HMGXB3: variants seen among roughly 807,000 people sequenced by gnomAD.
The protein encoded by HMGXB3 is HMG-box containing 3, also known as HMG domain-containing protein 3.
Under a neutral mutation model 121.5 loss-of-function variants are expected in HMGXB3, and 45 were observed. That is an observed-to-expected ratio of 0.37 (90% confidence interval 0.29 to 0.47). The LOEUF (loss-of-function observed/expected upper bound fraction) is 0.47, where lower values mean the gene tolerates loss of function less well. Among genes scored for constraint, HMGXB3 ranks in the 20% least tolerant of loss-of-function variants. The pLI is 0.99. For synonymous variants in HMGXB3, 590 were observed against 624.1 expected (o/e 0.95, Z 0.81); for missense variants, 1,376 against 1,602.2 (o/e 0.86, Z 2.41).
chr5:150,036,594 T>A (rs1452330797), intron 11 of HMGXB3, 42 bp from the exon 12 acceptor site: 1 of 1,474,180 alleles, frequency 6.8e-7, no homozygotes, highest in Non-Finnish European at 9.0e-7. Flanking sequence ...AGCTGGCTCT[T>A]TCTGCTCTGA....
In HMGXB3 at chr5:150,021,954, T is replaced by C. The variant is rs1385752139; in HGVS notation, c.1042-2308T>C. On this transcript the variant is annotated intron_variant, in intron 6 of 19. Transcript: ENST00000502717. ...GCGGGCTTCCTGACCGACTTGTTCCTTGGCGAGAGAGAACAGCGGTGAGTC... is the reference window on the plus strand; with the variant it reads ...GCGGGCTTCCTGACCGACTTGTTCCCTGGCGAGAGAGAACAGCGGTGAGTC... 6 of 453,860 alleles carry C rather than the reference T, an allele frequency of 1.3e-5. No individual in the cohort carries two copies. The Admixed American group carries it at 1.4e-4, about 10-fold the overall frequency. The allele number at this position is 453,860 out of a possible 1,614,324, so 28.1% of individuals were successfully genotyped here. A position where few individuals can be genotyped will look rare whatever the true frequency, so the allele number is the denominator to read the frequency against.
intron 9 of HMGXB3, among the ~76,000 whole-genome samples, chr5:150,029,052 A>G (rs1756312923): frequency 6.6e-6 from 1 of 152,188 alleles, no homozygotes; most frequent in Non-Finnish European, 1.5e-5. Flanking sequence ...TAGAAAATTC[A>G]GGTAAAGGAG....
chr5:150,004,539 C>T (rs1347422924), intron 1 of HMGXB3, among the ~76,000 whole-genome samples: 1 of 152,080 alleles, frequency 6.6e-6, no homozygotes. Flanking sequence ...GGTACTGTAT[C>T]CCATGAATAT....
chr5:150,025,631 G>C, intron 7 of HMGXB3, among the ~76,000 whole-genome samples: 1 of 132,454 alleles, frequency 7.5e-6, no homozygotes, highest in Middle Eastern at 3.5e-3. Context: ...GCAGTGGTGC[G>C]AACACAGCTC....
intron 6 of HMGXB3, among the ~76,000 whole-genome samples, chr5:150,019,687 A>G (rs1458193264): frequency 1.3e-5 from 2 of 152,222 alleles, no homozygotes; most frequent in African/African-American, 4.8e-5. Flanking sequence ...TTGGGTGGGT[A>G]GAAAAGGAAA....
chr5:150,023,685 A>G (rs1024018206), intron 6 of HMGXB3, among the ~76,000 whole-genome samples: 2 of 152,270 alleles, frequency 1.3e-5, no homozygotes, highest in Admixed American at 1.3e-4. Context: ...ATAATAATGC[A>G]TGAGTTAATT....
At position 150,028,694 on chromosome 5, in the gene HMGXB3, G is replaced by A. The variant is rs116355903; in HGVS notation, c.1734+1577G>A. Among the ~76,000 whole-genome samples, 417 of 150,306 alleles carry A rather than the reference G, an allele frequency of 2.8e-3. 2 individuals carry two copies. The highest frequency in any genetic ancestry group is 9.7e-3 in the African/African-American group (396 of 40,828). ...GAATCCTCCCAACTCAGCCTCCTGA[G>A]TAGCTGGGTACACAGGCAGGCACCA... On this transcript the variant is annotated intron_variant, in intron 9 of 19. Transcript: ENST00000502717.
chr5:150,015,970 T>C (rs1171580482), intron 5 of HMGXB3, among the ~76,000 whole-genome samples: 1 of 152,186 alleles, frequency 6.6e-6, no homozygotes, highest in Admixed American at 6.5e-5. Context: ...TCTATACATA[T>C]CTAATTAGGT....
intron 4 of HMGXB3, among the ~76,000 whole-genome samples, 194 bp from the exon 5 acceptor site, chr5:150,012,061 A>G (rs1016805026): frequency 1.3e-5 from 2 of 152,244 alleles, no homozygotes; most frequent in Non-Finnish European, 2.9e-5. Flanking sequence ...AACATAGCAC[A>G]CTTCCTGTGG....
chr5:150,042,866 AC>A (rs1286703159), intron 15 of HMGXB3, among the ~76,000 whole-genome samples: 2 of 152,232 alleles, frequency 1.3e-5, no homozygotes, highest in African/African-American at 4.8e-5. Context: ...TAGGCAAGTA[AC>A]AAAAGTGGGC....
chr5:150,034,030 T>A (rs1756442027), intron 11 of HMGXB3, among the ~76,000 whole-genome samples: 1 of 152,154 alleles, frequency 6.6e-6, no homozygotes, highest in Non-Finnish European at 1.5e-5. Context: ...GTGGGCAAGG[T>A]AGATTAGATC....
Position 150,036,644 on chromosome 5 carries a change from C to G in HMGXB3, c.1992C>G (p.Ser664Arg). 1 of 1,541,736 alleles carries G rather than the reference C, an allele frequency of 6.5e-7. No individual in the cohort carries two copies. Among genetic ancestry groups the G allele is most frequent in the Non-Finnish European group, 8.8e-7 (1 of 1,141,132 alleles). ...ATCCACTCTCTTCCCAGGAGGTGAG[C>G]TCACCACTCCCAGATGTACTGAATG... is the stretch of plus-strand genomic sequence containing the variant. ...TEKTTKAIEV[S>R]SPLPDVLNAT... Residue 664 changes from serine (S) to arginine (R), a missense_variant, in exon 12 of 20, where the codon AGC (serine) becomes AGG (arginine). Physicochemically the swap from Ser to Arg is moderately radical, Grantham distance 110. Around this residue, in one of 2 missense-constraint regions of HMGXB3, gnomAD observed 1,116 missense variants for 1,369.0 expected, o/e 0.82. Transcript: ENST00000502717.
chr5:150,007,932 C>A (rs1755739073), intron 3 of HMGXB3, among the ~76,000 whole-genome samples: 1 of 152,044 alleles, frequency 6.6e-6, no homozygotes. Context: ...TGGCATACAC[C>A]TGTAGTCCCA....
chr5:150,045,593 C>T lies in HMGXB3; in HGVS notation c.2858C>T (p.Ser953Phe). The T allele has an allele frequency of 6.4e-7, 1 of 1,551,964 alleles. No individual in the cohort carries two copies. Among genetic ancestry groups the T allele is most frequent in the Non-Finnish European group, 8.7e-7 (1 of 1,147,064 alleles). ...ATCCCTATCACCAAATTTGATGCGT[C>T]TGTTATTGCCCCCTTCTTCCCACCA... Reference protein sequence around the residue: ...ASIPITKFDASVIAPFFPPLM... With the variant: ...ASIPITKFDAFVIAPFFPPLM... The change falls in exon 16 of 20, where the codon TCT becomes TTT. Residue 953 changes from serine to phenylalanine, a missense_variant. Around this residue, in one of 2 missense-constraint regions of HMGXB3, gnomAD observed 1,116 missense variants for 1,369.0 expected, o/e 0.82. Transcript: ENST00000502717.
chr5:150,009,209 G>A (rs1434159117), intron 3 of HMGXB3, among the ~76,000 whole-genome samples: 1 of 152,092 alleles, frequency 6.6e-6, no homozygotes, highest in Non-Finnish European at 1.5e-5. Context: ...TGGCCTTCTT[G>A]ATACTTAGAA....
rs767124587 is a variant in HMGXB3 at position 150,041,774 on chromosome 5, T to C, written c.2546-11T>C. 1.9e-6 allele frequency: 3 copies of C among 1,549,848 alleles called. 1 individual carries two copies. In the South Asian group the frequency reaches 3.6e-5, roughly 18 times the overall value. ...TCTGTGCCCTTCTCAGTGTTCTTGCTCTTCTTTCAGAGAAGACTCTGACCT... is the reference window on the plus strand; with the variant it reads ...TCTGTGCCCTTCTCAGTGTTCTTGCCCTTCTTTCAGAGAAGACTCTGACCT... On this transcript the variant is annotated splice_polypyrimidine_tract_variant and intron_variant, in intron 14 of 19. Coordinates refer to ENST00000502717, the MANE Select transcript of HMGXB3 (RefSeq NM_014983.3).
At position 150,051,711 on chromosome 5, in the gene HMGXB3, C is replaced by T. The variant is rs187595541; in HGVS notation, c.3412-14C>T. ...ATTCCTTCTTATCAAAATGCATTCT[C>T]ATTTCTCTTCTAGAGTGTGTCCTGC... On this transcript the variant is annotated splice_polypyrimidine_tract_variant and intron_variant, in intron 19 of 19. Coordinates refer to ENST00000502717, the MANE Select transcript of HMGXB3 (RefSeq NM_014983.3). The T allele has an allele frequency of 1.5e-4, 222 of 1,496,856 alleles. 4 individuals carry two copies. In the Admixed American group the frequency reaches 4.3e-3, roughly 29 times the overall value. The allele number at this position is 1,496,856 out of a possible 1,614,324, so 92.7% of individuals were successfully genotyped here. A position where few individuals can be genotyped will look rare whatever the true frequency, so the allele number is the denominator to read the frequency against.
At chr5:150,040,963 A>T in intron 14 of HMGXB3, 84 bp downstream of exon 14, 1 of 1,245,662 alleles carries the variant, frequency 8.0e-7, no homozygotes, top group Non-Finnish European at 1.1e-6. Context: ...TAAAAGACTC[A>T]TTTTGAAGAA....
rs1756789904 is a variant in HMGXB3, at chr5:150,047,630, G to A, written c.2957G>A (p.Gly986Asp). 4 of 1,551,640 alleles carry A rather than the reference G, an allele frequency of 2.6e-6. No homozygotes were observed. The highest frequency in any genetic ancestry group is 1.4e-5 in the African/African-American group (1 of 73,178). Reference sequence around the variant, plus strand: ...GCACTGTTGTCTCTTGCAGGCAGTGGCAGTGCCTTGGTGAGGCTGCTCCAG... The same window carrying A: ...GCACTGTTGTCTCTTGCAGGCAGTGACAGTGCCTTGGTGAGGCTGCTCCAG... ...NLDVQPVPGS[G>D]SALVRLLQEG... The change falls in exon 17 of 20, where the codon GGC becomes GAC. Residue 986 changes from glycine to aspartate, a missense_variant. Gly to Asp is a moderately conservative substitution (Grantham distance 94). Coordinates refer to ENST00000502717, the MANE Select transcript of HMGXB3 (RefSeq NM_014983.3).
Sources: gnomAD v4.1 joint callset for allele counts (sites outside exome capture counted in the v4.1 genomes callset) on GRCh38, gnomAD v4.1.1 for gene constraint, gnomAD v4.1.1 regional missense constraint, MANE v1.5 for transcripts, NCBI Gene and HGNC (gene_info 2026-07-23, HGNC 2026-07-21) for gene names.